Variants in SMAD5 observed in about 807,000 individuals in gnomAD.
SMAD5 encodes the protein MAD, mothers against decapentaplegic homolog 5.
SMAD5 carries 9 observed loss-of-function variants against 43.1 expected under a neutral mutation model. That is an observed-to-expected ratio of 0.21 (90% CI 0.13 to 0.36). The LOEUF (loss-of-function observed/expected upper bound fraction) is 0.36. Among genes scored for constraint, SMAD5 ranks in the 10% least tolerant of loss-of-function variants. The pLI is 1.00. For missense variants in SMAD5, 348 were observed against 574.0 expected, an observed-to-expected ratio of 0.61 and a Z score of 4.02; for synonymous variants, 190 against 192.4, an observed-to-expected ratio of 0.99 and a Z score of 0.10.
chr5:136,157,705 A>G (rs899135618), intron 3 of SMAD5, among the ~76,000 whole-genome samples: 1 of 152,174 alleles, frequency 6.6e-6, no homozygotes, highest in African/African-American at 2.4e-5. Context: ...CAGGAGGCGG[A>G]GTTCAGGCGG....
At chr5:136,155,883 A>G (rs979731132) in intron 3 of SMAD5, among the ~76,000 whole-genome samples, 1 of 151,988 alleles carries the variant, frequency 6.6e-6, no homozygotes, top group African/African-American at 2.4e-5. Flanking sequence ...TGCTCAGTAA[A>G]TTTTTTTTAT....
At chr5:136,135,896 G>A (rs1752857387) in intron 1 of SMAD5, among the ~76,000 whole-genome samples, 1 of 152,096 alleles carries the variant, frequency 6.6e-6, no homozygotes, top group Non-Finnish European at 1.5e-5. Flanking sequence ...CACAAAGAAG[G>A]CAAATAGTTT....
At chr5:136,156,102 A>T (rs746959847) in intron 3 of SMAD5, among the ~76,000 whole-genome samples, 1 of 152,196 alleles carries the variant, frequency 6.6e-6, no homozygotes, top group Non-Finnish European at 1.5e-5. Flanking sequence ...CAGAAGCTCA[A>T]TTAGGGAAGG....
chr5:136,179,468 GAA>G lies in SMAD5; in HGVS notation c.*1997_*1998del, dbSNP rs35464260. 4.5e-4 allele frequency: 67 copies of G among 148,466 alleles called. No homozygotes were observed. The highest frequency in any genetic ancestry group is 4.3e-4 in the Non-Finnish European group (29 of 66,718). 9.2% of individuals were successfully genotyped at this position (148,466 alleles called of 1,614,324 possible). A position where few individuals can be genotyped will look rare whatever the true frequency, so the allele number is the denominator to read the frequency against. ...ACTTTGTCCTTTCTGCTCTTGTGAA[GAA>G]AAAAAAAAGCATTTTCGAGGAAAGA... On this transcript the variant is annotated 3_prime_UTR_variant, in exon 8 of 8. Transcript: ENST00000545279.
At chr5:136,156,190 A>G (rs1214679722) in intron 3 of SMAD5, among the ~76,000 whole-genome samples, 3 of 152,212 alleles carry the variant, frequency 2.0e-5, no homozygotes, top group African/African-American at 7.2e-5. Flanking sequence ...GTTCACATTC[A>G]TGACAGCTTC....
chr5:136,163,410 T>G lies in SMAD5; in HGVS notation c.775+19T>G. On this transcript the variant is annotated intron_variant, in intron 5 of 7. Coordinates refer to ENST00000545279, the MANE Select transcript of SMAD5 (RefSeq NM_005903.7). ...AGCAGGGGTAAGAGAAGTACTCACTTCATTTATTTTATAGTAGTAGTTGTT... is the reference window on the plus strand; with the variant it reads ...AGCAGGGGTAAGAGAAGTACTCACTGCATTTATTTTATAGTAGTAGTTGTT... The G allele has an allele frequency of 1.3e-6, 2 of 1,567,654 alleles. No homozygotes were observed. The highest frequency in any genetic ancestry group is 1.7e-6 in the Non-Finnish European group (2 of 1,158,634).
chr5:136,164,688 C>T (rs762742670), intron 5 of SMAD5, among the ~76,000 whole-genome samples: 23 of 151,936 alleles, frequency 1.5e-4, no homozygotes, highest in Non-Finnish European at 2.4e-4. Flanking sequence ...TTCTTAATGA[C>T]GTCTTTTTGA....
At chr5:136,159,968 A>C (rs1471450288) in intron 3 of SMAD5, among the ~76,000 whole-genome samples, 1 of 152,222 alleles carries the variant, frequency 6.6e-6, no homozygotes, top group East Asian at 1.9e-4. Flanking sequence ...GATACAGGAC[A>C]ATTGTTAATG....
rs145555625 is a variant in SMAD5 at position 136,173,756 on chromosome 5, T to C, written c.998-620T>C. Among the ~76,000 whole-genome samples, 803 of 152,002 alleles carry C rather than the reference T, an allele frequency of 5.3e-3. 9 individuals are homozygous for C. The highest frequency in any genetic ancestry group is 0.018 in the African/African-American group (760 of 41,556). ...AAAATACTAGGTGACTAGCTTTAGTTATATAATTTGAATATTTAATGTTAA... is the reference window on the plus strand; with the variant it reads ...AAAATACTAGGTGACTAGCTTTAGTCATATAATTTGAATATTTAATGTTAA... On this transcript the variant is annotated intron_variant, in intron 6 of 7. Transcript: ENST00000545279.
At chr5:136,140,023 C>CT (rs796179216) in intron 1 of SMAD5, among the ~76,000 whole-genome samples, 1,527 of 134,968 alleles carry the variant, frequency 0.011, 23 homozygotes, top group African/African-American at 0.032. Context: ...CAGGATAACT[C>CT]TTTTTTTTTT....
At chr5:136,138,359 T>C (rs1017290849) in intron 1 of SMAD5, among the ~76,000 whole-genome samples, 8 of 152,232 alleles carry the variant, frequency 5.3e-5, no homozygotes, top group African/African-American at 1.9e-4. Context: ...GGAGCCACAG[T>C]TGAGGAAAGT....
chr5:136,156,856 A>G (rs1478090170), intron 3 of SMAD5, among the ~76,000 whole-genome samples: 2 of 152,182 alleles, frequency 1.3e-5, no homozygotes, highest in African/African-American at 2.4e-5. Context: ...ATGTCTTACT[A>G]GTTCAACTAT....
At chr5:136,176,704 G>C (rs1754434142) in intron 7 of SMAD5, among the ~76,000 whole-genome samples, 1 of 152,022 alleles carries the variant, frequency 6.6e-6, no homozygotes, top group Non-Finnish European at 1.5e-5. Flanking sequence ...CTGTTGAAGA[G>C]TTTTAATTAC....
rs778801436 is a variant in SMAD5 at position 136,177,321 on chromosome 5, C to T, written c.1255-16C>T. 44 of 1,612,398 alleles carry T rather than the reference C, an allele frequency of 2.7e-5. No individual in the cohort carries two copies. The highest frequency in any genetic ancestry group is 1.2e-4 in the Admixed American group (7 of 59,948). On this transcript the variant is annotated splice_polypyrimidine_tract_variant and intron_variant, in intron 7 of 7. Coordinates refer to ENST00000545279, the MANE Select transcript of SMAD5 (RefSeq NM_005903.7). ...TTTAAAGAGGGATTTGTGATGATAT[C>T]TGTTCATTTTCATAGGGTTGGGGAG...
intron 1 of SMAD5, among the ~76,000 whole-genome samples, chr5:136,146,976 G>A (rs1026133050): frequency 6.6e-6 from 1 of 151,484 alleles, no homozygotes; most frequent in East Asian, 1.9e-4. Flanking sequence ...ATCCTGTTAC[G>A]GGCAGTTGTG....
chr5:136,139,837 AG>A (rs1197659811), intron 1 of SMAD5, among the ~76,000 whole-genome samples: 2 of 152,106 alleles, frequency 1.3e-5, no homozygotes, highest in Non-Finnish European at 2.9e-5. Context: ...ATGGGATCAC[AG>A]GCATGTGCCA....
intron 2 of SMAD5, among the ~76,000 whole-genome samples, chr5:136,150,238 C>G (rs1273326260): frequency 6.6e-6 from 1 of 151,700 alleles, no homozygotes; most frequent in African/African-American, 2.4e-5. Flanking sequence ...CAGTCATGAC[C>G]TTTTCCCAGT....
chr5:136,155,465 T>C (rs1753604362), intron 3 of SMAD5, among the ~76,000 whole-genome samples: 1 of 152,210 alleles, frequency 6.6e-6, no homozygotes, highest in African/African-American at 2.4e-5. Context: ...GCGTCTCTTC[T>C]TCCCCTTAAC....
rs1754594145 is a variant in SMAD5 at position 136,180,625 on chromosome 5, T to C, written c.*3145T>C. On this transcript the variant is annotated 3_prime_UTR_variant, in exon 8 of 8. Coordinates refer to ENST00000545279, the MANE Select transcript of SMAD5 (RefSeq NM_005903.7). ...TTGATCTGCTAAAACTAACCCTCTT[T>C]TTAAGAGGAGATTTAAGGAAGACGT... 6.6e-6 allele frequency: 1 copy of C among 152,100 alleles called. No individual in the cohort carries two copies. Among genetic ancestry groups the C allele is most frequent in the Admixed American group, 6.5e-5 (1 of 15,272 alleles). The allele number at this position is 152,100 out of a possible 1,614,324, so 9.4% of individuals were successfully genotyped here. A position where few individuals can be genotyped will look rare whatever the true frequency, so the allele number is the denominator to read the frequency against.
Sources: gnomAD v4.1 joint callset for allele counts (sites outside exome capture counted in the v4.1 genomes callset) on GRCh38, gnomAD v4.1.1 for gene constraint, MANE v1.5 for transcripts, NCBI Gene and HGNC (gene_info 2026-07-23, HGNC 2026-07-21) for gene names.